GNPTG: variants seen among roughly 807,000 people sequenced by gnomAD.
The protein encoded by GNPTG is N-acetylglucosamine-1-phosphate transferase subunit gamma, also known as N-acetylglucosamine-1-phosphotransferase subunit gamma.
A neutral mutation model predicts 43.8 loss-of-function variants in GNPTG; 46 were observed. The ratio of observed to expected loss-of-function variants is 1.05; its 90% CI spans 0.83 to 1.34. The LOEUF is 1.34. Among genes scored for constraint, GNPTG ranks in the 40% most tolerant of loss-of-function variants. GNPTG has a pLI of 0.00. For missense variants in GNPTG, 549 were observed against 411.3 expected (o/e 1.33, Z -2.90); for synonymous variants, 250 against 172.8 (o/e 1.45, Z -3.50).
chr16:1,354,865 CG>C (rs2034747260), intron 3 of GNPTG, among the ~76,000 whole-genome samples: 1 of 152,086 alleles, frequency 6.6e-6, no homozygotes, highest in Non-Finnish European at 1.5e-5. Context: ...TAGTCCCCCG[CG>C]TCTGTAGGGC....
rs779778381 is a variant in GNPTG at position 1,361,880 on chromosome 16, A to G, written c.242A>G (p.Tyr81Cys). The change falls in exon 5 of 11, where the codon TAT becomes TGT. Residue 81 changes from tyrosine to cysteine, a missense_variant. Coordinates refer to ENST00000204679, the MANE Select transcript of GNPTG (RefSeq NM_032520.5). The part of the protein sequence containing the change: ...CFSLVESTYK[Y>C]EFCPFHNVTQ... ...GCCATCTGTGTCCCCAGGTACAAGT[A>G]TGAGTTCTGCCCGTTCCACAACGTG... is the stretch of plus-strand genomic sequence containing the variant. The G allele has an allele frequency of 6.8e-6, 11 of 1,613,696 alleles. No individual in the cohort carries two copies. In the South Asian group the frequency reaches 9.9e-5, roughly 14 times the overall value.
chr16:1,362,928 G>GGCCA, intron 10 of GNPTG, 22 bp downstream of exon 10: 1 of 1,613,774 alleles, frequency 6.2e-7, no homozygotes, highest in Non-Finnish European at 8.5e-7. Context: ...GTGGGGAGAG[G>GGCCA]GCCAGGCTCA....
chr16:1,356,870 A>G (rs2034785556), intron 3 of GNPTG, among the ~76,000 whole-genome samples: 1 of 136,828 alleles, frequency 7.3e-6, no homozygotes, highest in Non-Finnish European at 1.6e-5. Flanking sequence ...TGAGAGCGGG[A>G]ATCTGCGGGC....
intron 3 of GNPTG, 141 bp downstream of exon 3, chr16:1,352,447 C>G: frequency 1.2e-6 from 1 of 842,516 alleles, no homozygotes; most frequent in South Asian, 1.4e-5. Context: ...TGTGGAAGTA[C>G]GAGAGAATAT....
At chr16:1,354,509 C>T (rs988097511) in intron 3 of GNPTG, among the ~76,000 whole-genome samples, 2 of 143,888 alleles carry the variant, frequency 1.4e-5, no homozygotes, top group Admixed American at 7.3e-5. Context: ...TTGCTTGAAT[C>T]CAGGAGGCGG....
Position 1,363,682 on chromosome 16 carries a change from G to A in GNPTG, c.*591G>A, listed in dbSNP as rs899662904. 5.7e-6 allele frequency: 1 copy of A among 174,490 alleles called. No homozygotes were observed. Among genetic ancestry groups the A allele is most frequent in the South Asian group, 1.2e-4 (1 of 8,028 alleles). The allele number at this position is 174,490 out of a possible 1,614,324, so 10.8% of individuals were successfully genotyped here. ...CCACTGCTGTGCCTCAGCCACCTAG[G>A]AGCCATCCCTGAGGCCATGGCCACC... On this transcript the variant is annotated 3_prime_UTR_variant, in exon 11 of 11. Transcript: ENST00000204679.
chr16:1,352,606 GT>G (rs889879595), intron 3 of GNPTG: 1 of 429,714 alleles, frequency 2.3e-6, no homozygotes, highest in Non-Finnish European at 4.3e-6. Flanking sequence ...AAAACGTATA[GT>G]TTTTGTAATC....
intron 3 of GNPTG, among the ~76,000 whole-genome samples, chr16:1,352,791 A>AT (rs1432244777): frequency 4.6e-5 from 7 of 151,784 alleles, no homozygotes; most frequent in Non-Finnish European, 8.8e-5. Flanking sequence ...GGTTCTTGCC[A>AT]TTTTTTTGGC....
At chr16:1,357,493 T>TTAA (rs1351304528) in intron 3 of GNPTG, among the ~76,000 whole-genome samples, 1 of 151,840 alleles carries the variant, frequency 6.6e-6, no homozygotes, top group Admixed American at 6.6e-5. Flanking sequence ...TTTATTATTA[T>TTAA]TATTATTATT....
At position 1,363,043 on chromosome 16, in the gene GNPTG, G is replaced by A; in HGVS notation, c.870G>A (p.Lys290=). 1 of 1,614,086 alleles carries A rather than the reference G, an allele frequency of 6.2e-7. No individual in the cohort carries two copies. The highest frequency in any genetic ancestry group is 1.1e-5 in the South Asian group (1 of 91,076). The part of the protein sequence containing the change: ...EHLGHETPRA[K]SPEQLRGDPG... ...TGGGCCACGAGACGCCCAGAGCCAAGTCTCCAGAGCAGCTGCGGGGTGACC... is the reference window on the plus strand; with the variant it reads ...TGGGCCACGAGACGCCCAGAGCCAAATCTCCAGAGCAGCTGCGGGGTGACC... Residue 290 remains lysine, a synonymous_variant, in exon 11 of 11, where the codon AAG becomes AAA. Transcript: ENST00000204679.
chr16:1,355,235 G>A (rs570349350), intron 3 of GNPTG, among the ~76,000 whole-genome samples: 43 of 152,276 alleles, frequency 2.8e-4, no homozygotes, highest in Middle Eastern at 3.4e-3. Flanking sequence ...CTGTGGGGTC[G>A]GGTGTGGATA....
chr16:1,363,135 C>T lies in GNPTG; in HGVS notation c.*44C>T, dbSNP rs773712619. ...GAGGTGGACGCGGCCGAGAGCCCTA[C>T]AGAGAAGCTGGCTGGTAGGACCCGC... On this transcript the variant is annotated 3_prime_UTR_variant, in exon 11 of 11. Coordinates refer to ENST00000204679, the MANE Select transcript of GNPTG (RefSeq NM_032520.5). The T allele has an allele frequency of 6.4e-7, 1 of 1,574,724 alleles. No individual in the cohort carries two copies. The highest frequency in any genetic ancestry group is 1.3e-5 in the African/African-American group (1 of 74,140).
rs58584694 is a variant in GNPTG at position 1,352,712 on chromosome 16, T to C, written c.178+406T>C. Among the ~76,000 whole-genome samples, 1,054 of 152,278 alleles carry C rather than the reference T, an allele frequency of 6.9e-3. 13 individuals are homozygous for C. The highest frequency in any genetic ancestry group is 0.024 in the African/African-American group (1,002 of 41,542). On this transcript the variant is annotated intron_variant, in intron 3 of 10. Transcript: ENST00000204679. ...CTCGGGACGCTTCATGGTGATGATA[T>C]AGGTCTTCGTTCTTTCTCTTGGTGC...
rs1189183608 is a variant in GNPTG, at chr16:1,363,574, CT to C, written c.*484del. 4.5e-6 allele frequency: 1 copy of C among 222,290 alleles called. No individual in the cohort carries two copies. The highest frequency in any genetic ancestry group is 2.3e-5 in the African/African-American group (1 of 42,822). 13.8% of individuals were successfully genotyped at this position (222,290 alleles called of 1,614,324 possible). A position where few individuals can be genotyped will look rare whatever the true frequency, so the allele number is the denominator to read the frequency against. On this transcript the variant is annotated 3_prime_UTR_variant, in exon 11 of 11. Transcript: ENST00000204679. ...ACATGCAGAGCCGGCCGCCAGCCAG[CT>C]CCTACGCCCCGTGCCCGCCATGGCC... is the stretch of plus-strand genomic sequence containing the variant.
chr16:1,359,692 C>T (rs2034837277), intron 3 of GNPTG, among the ~76,000 whole-genome samples: 1 of 152,184 alleles, frequency 6.6e-6, no homozygotes, highest in South Asian at 2.1e-4. Context: ...ATTTGGGGTC[C>T]TCTGAGACTC....
intron 3 of GNPTG, among the ~76,000 whole-genome samples, chr16:1,356,754 C>T (rs774622134): frequency 6.6e-6 from 1 of 152,226 alleles, no homozygotes; most frequent in Non-Finnish European, 1.5e-5. Flanking sequence ...GCCCGGCGCC[C>T]ACGCCCCTCC....
intron 3 of GNPTG, among the ~76,000 whole-genome samples, chr16:1,355,983 C>G (rs1016809086): frequency 4.0e-5 from 6 of 151,812 alleles, no homozygotes; most frequent in Middle Eastern, 6.8e-3. Flanking sequence ...AGGGTGAGGT[C>G]CCCGGTGAAG....
intron 3 of GNPTG, chr16:1,361,468 C>T (rs1211523301): frequency 2.0e-5 from 8 of 407,072 alleles, no homozygotes. Context: ...CGCGGTGAAA[C>T]CCCGTCTCTA....
intron 3 of GNPTG, among the ~76,000 whole-genome samples, chr16:1,355,474 G>A (rs974779757): frequency 6.6e-6 from 1 of 152,170 alleles, no homozygotes; most frequent in African/African-American, 2.4e-5. Flanking sequence ...GCCGAGGCTG[G>A]TGGGGCTGGG....
Sources: gnomAD v4.1 joint callset for allele counts (sites outside exome capture counted in the v4.1 genomes callset) on GRCh38, gnomAD v4.1.1 for gene constraint, MANE v1.5 for transcripts, NCBI Gene and HGNC (gene_info 2026-07-23, HGNC 2026-07-21) for gene names.